Variants in TCERG1L observed in about 807,000 individuals in gnomAD.
The protein encoded by TCERG1L is transcription elongation regulator 1 like.
TCERG1L carries 37 observed loss-of-function variants against 56.3 expected under a neutral mutation model. That is an observed-to-expected ratio of 0.66 (90% confidence interval 0.51 to 0.87). TCERG1L has a LOEUF of 0.87. TCERG1L is among the 40% of genes least tolerant of loss of function. The pLI is 0.00. For synonymous variants in TCERG1L, 324 were observed against 326.3 expected, an observed-to-expected ratio of 0.99 and a Z score of 0.08; for missense variants, 799 against 774.2, an observed-to-expected ratio of 1.03 and a Z score of -0.38.
intron 4 of TCERG1L, among the ~76,000 whole-genome samples, chr10:131,254,302 A>AATAT (rs57689050): frequency 0.28 from 39,869 of 142,584 alleles, 5,880 homozygotes; most frequent in East Asian, 0.48. Context: ...ACTGGATTTA[A>AATAT]ATATATATAT....
chr10:131,205,972 G>C (rs576732650), intron 4 of TCERG1L, among the ~76,000 whole-genome samples: 4 of 152,136 alleles, frequency 2.6e-5, no homozygotes, highest in African/African-American at 7.2e-5. Context: ...TATGAGCAGG[G>C]GTCCACGGGC....
chr10:131,252,519 C>T (rs1846122923), intron 4 of TCERG1L, among the ~76,000 whole-genome samples: 1 of 152,162 alleles, frequency 6.6e-6, no homozygotes, highest in Non-Finnish European at 1.5e-5. Context: ...TGAACACAGG[C>T]TGTCCTCCCC....
In TCERG1L at chr10:131,259,366, T is replaced by G. The variant is rs539736566; in HGVS notation, c.856+893A>C. On this transcript the variant is annotated intron_variant, in intron 4 of 11. Coordinates refer to ENST00000368642, the MANE Select transcript of TCERG1L (RefSeq NM_174937.4). ...ATACAATCTTCCATGGAATTTCTCT[T>G]CAAGTTTTACCATCTCACATGAAGA... Among the ~76,000 whole-genome samples the G allele has an allele frequency of 1.9e-3, 297 of 152,336 alleles. 3 individuals are homozygous for G. The highest frequency in any genetic ancestry group is 7.0e-3 in the African/African-American group (289 of 41,578).
chr10:131,101,503 G>T (rs1845303492), intron 10 of TCERG1L, among the ~76,000 whole-genome samples: 1 of 152,172 alleles, frequency 6.6e-6, no homozygotes, highest in Non-Finnish European at 1.5e-5. Context: ...AAACAAGTTG[G>T]TGGTGGCACA....
chr10:131,113,174 G>C (rs779725251), intron 9 of TCERG1L, among the ~76,000 whole-genome samples: 1 of 142,906 alleles, frequency 7.0e-6, no homozygotes, highest in African/African-American at 2.5e-5. Flanking sequence ...AATTTTACAC[G>C]GTTATCCCAC....
chr10:131,221,964 C>T (rs1051793278), intron 4 of TCERG1L, among the ~76,000 whole-genome samples: 14 of 152,212 alleles, frequency 9.2e-5, no homozygotes, highest in African/African-American at 2.4e-4. Flanking sequence ...CTCTCATTTT[C>T]GCTTGTTTAC....
intron 3 of TCERG1L, among the ~76,000 whole-genome samples, chr10:131,300,257 T>C (rs929576954): frequency 5.9e-5 from 9 of 152,318 alleles, no homozygotes; most frequent in African/African-American, 2.2e-4. Flanking sequence ...TTTGCTGAAC[T>C]TCTTGGATTT....
At chr10:131,186,974 T>C (rs1845251407) in intron 4 of TCERG1L, among the ~76,000 whole-genome samples, 1 of 152,226 alleles carries the variant, frequency 6.6e-6, no homozygotes, top group African/African-American at 2.4e-5. Flanking sequence ...GCATCTGACC[T>C]TGACCCCACA....
intron 4 of TCERG1L, among the ~76,000 whole-genome samples, chr10:131,199,517 C>T (rs1465012050): frequency 6.6e-6 from 1 of 152,118 alleles, no homozygotes; most frequent in Non-Finnish European, 1.5e-5. Context: ...CAAGGGTACC[C>T]TTCCCTCAGT....
intron 3 of TCERG1L, among the ~76,000 whole-genome samples, chr10:131,269,745 T>C (rs915801394): frequency 7.2e-5 from 11 of 152,294 alleles, no homozygotes; most frequent in African/African-American, 2.6e-4. Flanking sequence ...GTTCCCAGAA[T>C]GTAACAGAGA....
intron 8 of TCERG1L, among the ~76,000 whole-genome samples, chr10:131,122,714 C>A (rs1423526288): frequency 6.6e-6 from 1 of 152,168 alleles, no homozygotes; most frequent in African/African-American, 2.4e-5. Context: ...AATTATCAAA[C>A]TTGAAGGAGG....
chr10:131,246,248 G>A (rs764541405), intron 4 of TCERG1L, among the ~76,000 whole-genome samples: 8 of 152,208 alleles, frequency 5.3e-5, no homozygotes, highest in African/African-American at 7.2e-5. Flanking sequence ...GGGGTGGCAC[G>A]AGCTGAGTGC....
chr10:131,118,393 T>G lies in TCERG1L; in HGVS notation c.1260-1459A>C, dbSNP rs1232259458. 1.3e-5 allele frequency among the ~76,000 whole-genome samples: 2 copies of G among 151,930 alleles called. No homozygotes were observed. The highest frequency in any genetic ancestry group is 2.4e-5 in the African/African-American group (1 of 41,356). ...TTCTGATTTGGTCTAGAGGTAAGAG[T>G]CTCTCCTGGGCCACAGTCTCCCCAA... On this transcript the variant is annotated intron_variant, in intron 8 of 11. Coordinates refer to ENST00000368642, the MANE Select transcript of TCERG1L (RefSeq NM_174937.4). The surrounding 1 kb of genome is among the most constrained non-coding windows in gnomAD (Gnocchi z 4.2).
At chr10:131,156,882 G>A (rs1026190038) in intron 6 of TCERG1L, among the ~76,000 whole-genome samples, 1 of 152,144 alleles carries the variant, frequency 6.6e-6, no homozygotes, top group Non-Finnish European at 1.5e-5. Context: ...GCGTCTTGCC[G>A]ATGCCCCTGG....
intron 6 of TCERG1L, among the ~76,000 whole-genome samples, chr10:131,150,573 C>A (rs1156707939): frequency 6.6e-6 from 1 of 152,142 alleles, no homozygotes; most frequent in Admixed American, 6.5e-5. Flanking sequence ...GAGCCCTGAG[C>A]CAGTTGAGGG....
chr10:131,126,413 G>A (rs1845565377), intron 8 of TCERG1L, among the ~76,000 whole-genome samples: 1 of 152,218 alleles, frequency 6.6e-6, no homozygotes, highest in African/African-American at 2.4e-5. Context: ...AGGTTTATGA[G>A]CCACTCAGAA....
chr10:131,188,565 A>G (rs1845271380), intron 4 of TCERG1L, among the ~76,000 whole-genome samples: 2 of 152,222 alleles, frequency 1.3e-5, no homozygotes, highest in Admixed American at 6.5e-5. Flanking sequence ...CCTACATTCA[A>G]TAATGGGCAC....
chr10:131,100,940 A>G (rs1845298784), intron 10 of TCERG1L, among the ~76,000 whole-genome samples: 1 of 152,166 alleles, frequency 6.6e-6, no homozygotes, highest in Non-Finnish European at 1.5e-5. Context: ...CCTCCAGTGC[A>G]CTGGCTATGG....
intron 9 of TCERG1L, among the ~76,000 whole-genome samples, chr10:131,113,497 G>C (rs1285685488): frequency 7.0e-6 from 1 of 142,448 alleles, no homozygotes; most frequent in African/African-American, 2.5e-5. Context: ...TGGGACTGTA[G>C]AGGCCTCTGT....
Sources: gnomAD v4.1 joint callset for allele counts (sites outside exome capture counted in the v4.1 genomes callset) on GRCh38, gnomAD v4.1.1 for gene constraint, Gnocchi (gnomAD v3.1) non-coding constraint, MANE v1.5 for transcripts, NCBI Gene and HGNC (gene_info 2026-07-23, HGNC 2026-07-21) for gene names.